ADD2: variants seen among roughly 807,000 people sequenced by gnomAD.
ADD2 encodes adducin 2, also known as beta-adducin.
Under a neutral mutation model 83.0 loss-of-function variants are expected in ADD2, and 23 were observed. That is an observed-to-expected ratio of 0.28 (90% CI 0.20 to 0.39). The LOEUF (loss-of-function observed/expected upper bound fraction) is 0.39. Ranked by LOEUF, ADD2 falls within the 10% of genes least tolerant of loss-of-function variation. ADD2 has a pLI of 1.00. For missense variants in ADD2, 758 were observed against 944.9 expected (o/e 0.80, Z 2.59); for synonymous variants, 375 against 375.4 (o/e 1.00, Z 0.01).
At chr2:70,740,684 TTTTTTA>T (rs1455581002) in intron 1 of ADD2, among the ~76,000 whole-genome samples, 17 of 152,080 alleles carry the variant, frequency 1.1e-4, no homozygotes, top group Admixed American at 8.5e-4. Context: ...GTCTAAGAAA[TTTTTTA>T]TTTTTATTTT....
At chr2:70,744,376 G>A (rs535611620) in intron 1 of ADD2, among the ~76,000 whole-genome samples, 23 of 152,158 alleles carry the variant, frequency 1.5e-4, no homozygotes, top group African/African-American at 5.1e-4. Context: ...TCATTCAAAC[G>A]GTTCTGAACT....
intron 1 of ADD2, among the ~76,000 whole-genome samples, chr2:70,723,364 T>C (rs1672826140): frequency 6.6e-6 from 1 of 151,436 alleles, no homozygotes; most frequent in Non-Finnish European, 1.5e-5. Context: ...TCATTCCTCA[T>C]ATGGATTCTT....
chr2:70,733,996 G>C (rs1351594238), intron 1 of ADD2, among the ~76,000 whole-genome samples: 1 of 152,148 alleles, frequency 6.6e-6, no homozygotes, highest in Non-Finnish European at 1.5e-5. Flanking sequence ...GAATTAGAAA[G>C]CCTGGGTCTG....
chr2:70,665,451 C>A (rs1217185258), intron 15 of ADD2, among the ~76,000 whole-genome samples: 1 of 152,174 alleles, frequency 6.6e-6, no homozygotes, highest in African/African-American at 2.4e-5. Context: ...GTGTCCCATC[C>A]CGTCCCGCCA....
chr2:70,678,568 G>C, intron 11 of ADD2, 136 bp downstream of exon 11: 1 of 1,278,316 alleles, frequency 7.8e-7, no homozygotes, highest in South Asian at 1.8e-5. Flanking sequence ...GCTCCCAGAG[G>C]CCTAATAGGA....
At position 70,674,763 on chromosome 2, in the gene ADD2, C is replaced by T. The variant is rs1447910134; in HGVS notation, c.1656G>A (p.Thr552=). 23 of 1,613,964 alleles carry T rather than the reference C, an allele frequency of 1.4e-5. No individual in the cohort carries two copies. Among genetic ancestry groups the T allele is most frequent in the Non-Finnish European group, 1.8e-5 (21 of 1,180,000 alleles). The change falls in exon 14 of 16, where the codon ACG becomes ACA. Residue 552 remains threonine, a synonymous_variant. Transcript: ENST00000264436. ...DEDTKDDSEE[T]VPNPFSQLTD... ...TGAGTTGGCTGAAGGGGTTGGGCAC[C>T]GTCTCCTCTGAATCGTCTTTGGTAT...
At position 70,663,349 on chromosome 2, in the gene ADD2, G is replaced by T. The variant is rs1675610394; in HGVS notation, c.*76C>A. ...CTACTCTATCCCTCCTTAGCCCTGTGCTTGCAGGGACAGAGATGGGAGAAG... is the reference window on the plus strand; with the variant it reads ...CTACTCTATCCCTCCTTAGCCCTGTTCTTGCAGGGACAGAGATGGGAGAAG... On this transcript the variant is annotated 3_prime_UTR_variant, in exon 16 of 16. Transcript: ENST00000264436. 3 of 1,467,106 alleles carry T rather than the reference G, an allele frequency of 2.0e-6. No homozygotes were observed. The highest frequency in any genetic ancestry group is 2.8e-6 in the Non-Finnish European group (3 of 1,071,966). The allele number at this position is 1,467,106 out of a possible 1,614,324, so 90.9% of individuals were successfully genotyped here. A position where few individuals can be genotyped will look rare whatever the true frequency, so the allele number is the denominator to read the frequency against.
chr2:70,674,627 C>G, intron 14 of ADD2, 51 bp downstream of exon 14: 1 of 1,580,298 alleles, frequency 6.3e-7, no homozygotes, highest in East Asian at 2.2e-5. Context: ...CTGAGCTCTC[C>G]CCTCCACCCT....
intron 1 of ADD2, among the ~76,000 whole-genome samples, chr2:70,757,207 T>A (rs1325353333): frequency 6.6e-6 from 1 of 151,932 alleles, no homozygotes; most frequent in African/African-American, 2.4e-5. Flanking sequence ...AGTACATGCA[T>A]ATTATTTTGG....
intron 1 of ADD2, chr2:70,741,530 C>T (rs1164289052): frequency 6.6e-6 from 1 of 152,214 alleles, no homozygotes; most frequent in Non-Finnish European, 1.5e-5. Flanking sequence ...TTCCTCTCTA[C>T]TTTGGCGTAC....
In ADD2 at chr2:70,676,473, A is replaced by T. The variant is rs985110288; in HGVS notation, c.1593+323T>A. On this transcript the variant is annotated intron_variant, in intron 13 of 15. Coordinates refer to ENST00000264436, the MANE Select transcript of ADD2 (RefSeq NM_001617.4). The surrounding 1 kb of genome is among the most constrained non-coding windows in gnomAD (Gnocchi z 4.8). The stretch of plus-strand genomic sequence containing the variant: ...GGGAGTCTCCAGCCCCAAGCCTATG[A>T]GTCCCCACTTCACGGGGTAGTAAGG... The T allele has an allele frequency of 1.5e-6, 2 of 1,301,472 alleles. No individual in the cohort carries two copies. Among genetic ancestry groups the T allele is most frequent in the Non-Finnish European group, 2.0e-6 (2 of 1,022,624 alleles). 80.6% of individuals were successfully genotyped at this position (1,301,472 alleles called of 1,614,324 possible).
intron 6 of ADD2, among the ~76,000 whole-genome samples, chr2:70,694,491 G>A (rs1671207484): frequency 6.6e-6 from 1 of 152,106 alleles, no homozygotes. Flanking sequence ...ACCTGGACCC[G>A]ATCCCCTTCC....
Position 70,683,670 on chromosome 2 carries a change from C to G in ADD2, c.1046G>C (p.Gly349Ala). The change falls in exon 10 of 16, where the codon GGG becomes GCG. Residue 349 changes from glycine to alanine, a missense_variant. This residue lies in a region of ADD2 where 394 missense variants were observed against 509.3 expected (regional missense o/e 0.77). Transcript: ENST00000264436. ...PHEVGSVQWAGSTFGPMQKSR... is the reference protein window; with the variant it reads ...PHEVGSVQWAASTFGPMQKSR... ...CTTCTGCATAGGCCCAAAGGTGCTC[C>G]CGGCCCACTGCACGGAGCCCACCTC... 1 of 1,614,166 alleles carries G rather than the reference C, an allele frequency of 6.2e-7. No homozygotes were observed. The highest frequency in any genetic ancestry group is 8.5e-7 in the Non-Finnish European group (1 of 1,180,022).
In ADD2 at chr2:70,710,661, C is replaced by T. The variant is rs1672134689; in HGVS notation, c.-35+2405G>A. ...ATGGCTTAGCGATTAAAAGCACAGA[C>T]TCTGGAACAAGACTACCTGGGTTCA... On this transcript the variant is annotated intron_variant, in intron 2 of 15. Coordinates refer to ENST00000264436, the MANE Select transcript of ADD2 (RefSeq NM_001617.4). Among the ~76,000 whole-genome samples the T allele has an allele frequency of 2.0e-5, 3 of 152,350 alleles. No individual in the cohort carries two copies. The South Asian group carries it at 6.2e-4, about 32-fold the overall frequency.
chr2:70,753,997 A>G (rs1674648260), intron 1 of ADD2, among the ~76,000 whole-genome samples: 1 of 152,188 alleles, frequency 6.6e-6, no homozygotes, highest in Admixed American at 6.5e-5. Flanking sequence ...GAGCCACAGC[A>G]AGATGATGAT....
At chr2:70,758,253 A>G (rs1674902073) in intron 1 of ADD2, among the ~76,000 whole-genome samples, 1 of 152,166 alleles carries the variant, frequency 6.6e-6, no homozygotes, top group Non-Finnish European at 1.5e-5. Flanking sequence ...TGTTCTTGAG[A>G]TTTTACATCT....
At chr2:70,674,515 T>C (rs1574223402) in intron 14 of ADD2, among the ~76,000 whole-genome samples, 163 bp downstream of exon 14, 1 of 152,286 alleles carries the variant, frequency 6.6e-6, no homozygotes, top group East Asian at 1.9e-4. Context: ...AGGCACCGAG[T>C]AACTGTCAGG....
chr2:70,704,217 C>T (rs1671767349), intron 4 of ADD2, 104 bp downstream of exon 4: 3 of 1,442,090 alleles, frequency 2.1e-6, no homozygotes, highest in East Asian at 4.9e-5. Flanking sequence ...GGGCTGCTTA[C>T]TCCATAGCCT....
chr2:70,683,651 C>T lies in ADD2; in HGVS notation c.1065G>A (p.Met355Ile), dbSNP rs1257313881. 1.2e-6 allele frequency: 2 copies of T among 1,614,042 alleles called. No individual in the cohort carries two copies. The highest frequency in any genetic ancestry group is 1.7e-6 in the Non-Finnish European group (2 of 1,180,014). The change falls in exon 10 of 16, where the codon ATG (methionine) becomes ATA (isoleucine). Residue 355 changes from methionine to isoleucine, a missense_variant. Met to Ile is a conservative substitution (Grantham distance 10). Around this residue, in one of 5 missense-constraint regions of ADD2, gnomAD observed 394 missense variants for 509.3 expected, o/e 0.77. Coordinates refer to ENST00000264436, the MANE Select transcript of ADD2 (RefSeq NM_001617.4). ...VQWAGSTFGP[M>I]QKSRLGEHEF... The stretch of plus-strand genomic sequence containing the variant: ...CATGCTCCCCCAGCCGACTCTTCTG[C>T]ATAGGCCCAAAGGTGCTCCCGGCCC...
Sources: gnomAD v4.1 joint callset for allele counts (sites outside exome capture counted in the v4.1 genomes callset) on GRCh38, gnomAD v4.1.1 for gene constraint, gnomAD v4.1.1 regional missense constraint, Gnocchi (gnomAD v3.1) non-coding constraint, MANE v1.5 for transcripts, NCBI Gene and HGNC (gene_info 2026-07-23, HGNC 2026-07-21) for gene names.